NCOR2: variants seen among roughly 807,000 people sequenced by gnomAD.
NCOR2 encodes CTG repeat protein 26.
A neutral mutation model predicts 262.9 loss-of-function variants in NCOR2; 81 were observed. The observed-to-expected ratio is 0.31, with a 90% CI of 0.26 to 0.37. NCOR2 has a LOEUF of 0.37. Ranked by LOEUF, NCOR2 falls within the 10% of genes least tolerant of loss-of-function variation. The pLI is 1.00. For missense variants in NCOR2, 3,385 were observed against 3,621.4 expected (o/e 0.93, Z 1.68); for synonymous variants, 1,659 against 1,559.3 (o/e 1.06, Z -1.51).
chr12:124,502,296 G>A (rs77417099), intron 1 of NCOR2, among the ~76,000 whole-genome samples: 3,946 of 152,360 alleles, frequency 0.026, 71 homozygotes, highest in Non-Finnish European at 0.039. Flanking sequence ...CCTACTGTGT[G>A]AAAGGTGCTG....
intron 1 of NCOR2, among the ~76,000 whole-genome samples, chr12:124,552,143 C>CA (rs1195524149): frequency 6.6e-6 from 1 of 152,088 alleles, no homozygotes; most frequent in Non-Finnish European, 1.5e-5. Flanking sequence ...AACATAATGA[C>CA]ACCTCATCTC....
chr12:124,533,287 G>A (rs548162015), intron 1 of NCOR2, among the ~76,000 whole-genome samples: 3 of 152,038 alleles, frequency 2.0e-5, no homozygotes, highest in South Asian at 2.1e-4. Flanking sequence ...ACTCAGAATC[G>A]CGCAACCCGG....
At chr12:124,460,307 C>T (rs1031642140) in intron 5 of NCOR2, among the ~76,000 whole-genome samples, 2 of 152,244 alleles carry the variant, frequency 1.3e-5, no homozygotes, top group Admixed American at 6.5e-5. Context: ...CTCGCTCAGG[C>T]GGTCTCTGGG....
At chr12:124,353,155 G>A (rs756488402) in intron 27 of NCOR2, among the ~76,000 whole-genome samples, 2 of 152,192 alleles carry the variant, frequency 1.3e-5, no homozygotes, top group Non-Finnish European at 2.9e-5. Context: ...TGGCCACTCA[G>A]GAACCCAGAG....
chr12:124,462,127 AAC>A (rs1048688588), intron 5 of NCOR2, among the ~76,000 whole-genome samples: 65 of 152,322 alleles, frequency 4.3e-4, no homozygotes, highest in Admixed American at 1.2e-3. Flanking sequence ...ACGTGTATCT[AAC>A]ACACATACCA....
At chr12:124,398,234 C>A in intron 15 of NCOR2, 53 bp from the exon 18 acceptor site, 1 of 1,589,768 alleles carries the variant, frequency 6.3e-7, no homozygotes, top group South Asian at 1.1e-5. Context: ...AGGCACTTTG[C>A]CTTCTGCCCT....
intron 8 of NCOR2, among the ~76,000 whole-genome samples, chr12:124,436,628 T>C (rs1311864419): frequency 1.3e-5 from 2 of 151,950 alleles, no homozygotes; most frequent in East Asian, 1.9e-4. Context: ...CCTCACTCCA[T>C]CTCCCCGGCA....
chr12:124,339,897 A>ACCTC, intron 37 of NCOR2, 109 bp downstream of exon 39: 1 of 176,240 alleles, frequency 5.7e-6, no homozygotes, highest in Non-Finnish European at 1.1e-5. Flanking sequence ...ACATCTGCCC[A>ACCTC]CCCACCCACC....
In NCOR2 at chr12:124,391,307, G is replaced by A. The variant is rs554894482; in HGVS notation, c.1877-5420C>T. Among the ~76,000 whole-genome samples, 10 of 152,034 alleles carry A rather than the reference G, an allele frequency of 6.6e-5. No individual in the cohort carries two copies. In the East Asian group the frequency reaches 1.4e-3, roughly 21 times the overall value. ...CCAGCCAGTCACCTCCAGCCTTGAC[G>A]TTTCCCACCCCTTCCATGAAGACTC... On this transcript the variant is annotated intron_variant, in intron 16 of 46. Coordinates refer to ENST00000405201, the Ensembl canonical transcript of NCOR2.
intron 13 of NCOR2, among the ~76,000 whole-genome samples, chr12:124,408,178 C>A (rs1041083933): frequency 6.6e-6 from 1 of 152,130 alleles, no homozygotes; most frequent in Non-Finnish European, 1.5e-5. Flanking sequence ...CACGGTGAAA[C>A]CCCATCTCTA....
chr12:124,487,255 A>G (rs546080093), intron 1 of NCOR2, among the ~76,000 whole-genome samples: 7 of 152,296 alleles, frequency 4.6e-5, no homozygotes, highest in Admixed American at 4.6e-4. Context: ...GATGGTGGCA[A>G]GTGATGGCGA....
chr12:124,556,044 T>C (rs2051873270), intron 1 of NCOR2: 1 of 152,140 alleles, frequency 6.6e-6, no homozygotes, highest in Non-Finnish European at 1.5e-5. Flanking sequence ...GATGGCGAAA[T>C]GGAGGCGTGA....
At chr12:124,356,615 A>C in intron 23 of NCOR2, 27 bp downstream of exon 25, 1 of 1,419,556 alleles carries the variant, frequency 7.0e-7, no homozygotes, top group South Asian at 1.8e-5. Context: ...TGGCTGAAGA[A>C]GCCCAAGCTC....
At chr12:124,349,618 T>C (rs1420085364) in intron 28 of NCOR2, among the ~76,000 whole-genome samples, 1 of 152,146 alleles carries the variant, frequency 6.6e-6, no homozygotes, top group Non-Finnish European at 1.5e-5. Context: ...CACCTGCCGC[T>C]GCCTGCACTG....
At chr12:124,360,672 G>A (rs1166146797) in intron 22 of NCOR2, among the ~76,000 whole-genome samples, 3 of 128,638 alleles carry the variant, frequency 2.3e-5, no homozygotes, top group Non-Finnish European at 4.8e-5. Context: ...ACCCTTCCCT[G>A]GCCACAACCA....
Position 124,453,143 on chromosome 12 carries a change from C to T in NCOR2, c.763-3276G>A, listed in dbSNP as rs181372479. 3.2e-4 allele frequency among the ~76,000 whole-genome samples: 48 copies of T among 152,212 alleles called. No individual in the cohort carries two copies. The East Asian group carries it at 7.8e-3, about 25-fold the overall frequency. ...GGGGACGCAGGGCCCGAGGGGACTC[C>T]CCAACATCCCCCTCATCCTCTGCAG... On this transcript the variant is annotated intron_variant, in intron 6 of 46. Transcript: ENST00000405201.
intron 1 of NCOR2, among the ~76,000 whole-genome samples, chr12:124,547,668 G>C (rs1319359522): frequency 2.0e-5 from 3 of 152,134 alleles, no homozygotes; most frequent in Non-Finnish European, 4.4e-5. Flanking sequence ...GTTCTCCCCA[G>C]GTCCCCTCCT....
chr12:124,403,436 A>T (rs1165199650), intron 13 of NCOR2, among the ~76,000 whole-genome samples: 1 of 151,276 alleles, frequency 6.6e-6, no homozygotes, highest in Non-Finnish European at 1.5e-5. Flanking sequence ...ACCGAGATAG[A>T]GGAGGGAGTG....
At chr12:124,351,868 T>C (rs2037501467) in intron 27 of NCOR2, among the ~76,000 whole-genome samples, 1 of 152,122 alleles carries the variant, frequency 6.6e-6, no homozygotes, top group African/African-American at 2.4e-5. Flanking sequence ...GATTCAACGG[T>C]AAAGGTCCTA....
Sources: gnomAD v4.1 joint callset for allele counts (sites outside exome capture counted in the v4.1 genomes callset) on GRCh38, gnomAD v4.1.1 for gene constraint, MANE v1.5 for transcripts, NCBI Gene and HGNC (gene_info 2026-07-23, HGNC 2026-07-21) for gene names.